DLG2: variants seen among roughly 807,000 people sequenced by gnomAD.
The protein encoded by DLG2 is discs large MAGUK scaffold protein 2.
DLG2 carries 45 observed loss-of-function variants against 132.5 expected under a neutral mutation model. The observed-to-expected ratio is 0.34, with a 90% CI of 0.27 to 0.44. The LOEUF (loss-of-function observed/expected upper bound fraction) is 0.44, where lower values mean the gene tolerates loss of function less well. DLG2 is among the 20% of genes least tolerant of loss of function. The pLI, the probability that DLG2 is intolerant of heterozygous loss-of-function variation, is 1.00. For missense variants in DLG2, 1,045 were observed against 1,196.9 expected, an observed-to-expected ratio of 0.87 and a Z score of 1.87; for synonymous variants, 424 against 419.6, an observed-to-expected ratio of 1.01 and a Z score of -0.13.
chr11:84,619,398 A>G (rs1442284170), intron 6 of DLG2, among the ~76,000 whole-genome samples: 1 of 151,878 alleles, frequency 6.6e-6, no homozygotes, highest in Non-Finnish European at 1.5e-5. Context: ...ATTGTTAATT[A>G]AAAGAAAATG....
chr11:84,947,363 G>A (rs948039030), intron 6 of DLG2, among the ~76,000 whole-genome samples: 4 of 152,110 alleles, frequency 2.6e-5, no homozygotes, highest in African/African-American at 9.7e-5. Context: ...GCAGTAACTG[G>A]CTCAAAATGG....
intron 6 of DLG2, among the ~76,000 whole-genome samples, chr11:84,802,598 C>T (rs753913405): frequency 6.6e-6 from 1 of 150,924 alleles, no homozygotes; most frequent in Non-Finnish European, 1.5e-5. Context: ...GCAGGAATCA[C>T]CCTTTGGCCA....
chr11:85,354,655 G>A (rs901723241), intron 3 of DLG2, among the ~76,000 whole-genome samples: 1 of 151,858 alleles, frequency 6.6e-6, no homozygotes, highest in African/African-American at 2.4e-5. Context: ...TACTTGGTAT[G>A]CTGACATTTT....
At position 84,970,079 on chromosome 11, in the gene DLG2, A is replaced by G. The variant is rs2053867648; in HGVS notation, c.357+141582T>C. On this transcript the variant is annotated intron_variant, in intron 6 of 27. Transcript: ENST00000376104. ...AATACCTAATGTAGATGATAGCTTGATGGGTGCAGCAAACCACCATGGCAC... is the reference window on the plus strand; with the variant it reads ...AATACCTAATGTAGATGATAGCTTGGTGGGTGCAGCAAACCACCATGGCAC... 2.0e-5 allele frequency among the ~76,000 whole-genome samples: 3 copies of G among 152,054 alleles called. 1 individual carries two copies. In the South Asian group the frequency reaches 6.2e-4, roughly 32 times the overall value.
chr11:84,666,834 C>A (rs1052872222), intron 6 of DLG2, among the ~76,000 whole-genome samples: 1 of 151,854 alleles, frequency 6.6e-6, no homozygotes, highest in African/African-American at 2.4e-5. Flanking sequence ...GACAGATAAC[C>A]AAGAAACACA....
chr11:83,984,094 G>A (rs537037762), intron 11 of DLG2, among the ~76,000 whole-genome samples: 5 of 152,002 alleles, frequency 3.3e-5, no homozygotes, highest in African/African-American at 9.6e-5. Flanking sequence ...CCATAAAAAC[G>A]GGTAAGTTCA....
chr11:83,893,306 A>G (rs2070542862), intron 15 of DLG2, among the ~76,000 whole-genome samples: 1 of 152,206 alleles, frequency 6.6e-6, no homozygotes, highest in Non-Finnish European at 1.5e-5. Context: ...AGACTTTTCC[A>G]TTGCAGTTAG....
chr11:84,110,860 T>C (rs979927537), intron 9 of DLG2, among the ~76,000 whole-genome samples: 9 of 152,158 alleles, frequency 5.9e-5, no homozygotes, highest in Admixed American at 3.9e-4. Flanking sequence ...AGCAAACACA[T>C]CTGCAAGCCA....
chr11:84,854,168 C>T (rs2082489768), intron 6 of DLG2, among the ~76,000 whole-genome samples: 2 of 150,974 alleles, frequency 1.3e-5, no homozygotes, highest in African/African-American at 4.8e-5. Context: ...CAACCATCCA[C>T]AAACAATGGA....
intron 6 of DLG2, among the ~76,000 whole-genome samples, chr11:84,817,992 CAAT>C (rs2077250501): frequency 6.6e-6 from 1 of 151,966 alleles, no homozygotes; most frequent in African/African-American, 2.4e-5. Context: ...GTGCTCCCCT[CAAT>C]CCTGAGTACT....
At chr11:84,564,142 A>G (rs532023050) in intron 6 of DLG2, among the ~76,000 whole-genome samples, 23 of 152,204 alleles carry the variant, frequency 1.5e-4, no homozygotes, top group Non-Finnish European at 2.2e-4. Flanking sequence ...GCCTATTGCA[A>G]GTGACCCTAA....
rs398016925 is a variant in DLG2 at position 83,819,469 on chromosome 11, C to CAAAAAA, written c.1722+14139_1722+14144dup. 8.3e-3 allele frequency among the ~76,000 whole-genome samples: 233 copies of CAAAAAA among 28,048 alleles called. 13 individuals carry two copies. Among genetic ancestry groups the CAAAAAA allele is most frequent in the Non-Finnish European group, 0.011 (179 of 16,138 alleles). The allele number at this position is 28,048 out of a possible 152,430, so 18.4% of individuals were successfully genotyped here. On this transcript the variant is annotated intron_variant, in intron 17 of 27. Transcript: ENST00000376104. The stretch of plus-strand genomic sequence containing the variant: ...TGGGAGACAGAGCAAGACTCTATCT[C>CAAAAAA]AAAAAAAAAAAAAAAAAAAAAAAGA...
intron 6 of DLG2, among the ~76,000 whole-genome samples, chr11:84,734,222 C>T (rs898588048): frequency 1.3e-5 from 2 of 152,062 alleles, no homozygotes; most frequent in African/African-American, 2.4e-5. Flanking sequence ...TATAAATTAC[C>T]TTGGGCAGTA....
intron 6 of DLG2, among the ~76,000 whole-genome samples, chr11:84,870,547 C>T (rs190238743): frequency 1.3e-5 from 2 of 152,148 alleles, no homozygotes; most frequent in Non-Finnish European, 2.9e-5. Context: ...AATATTATTC[C>T]TATTGATCAC....
chr11:85,476,618 T>A (rs937141294), intron 3 of DLG2, among the ~76,000 whole-genome samples: 2 of 152,112 alleles, frequency 1.3e-5, no homozygotes, highest in African/African-American at 2.4e-5. Flanking sequence ...TATTTTTAAT[T>A]TTTTACATTT....
chr11:85,039,665 A>C (rs1457621198), intron 6 of DLG2, among the ~76,000 whole-genome samples: 1 of 151,882 alleles, frequency 6.6e-6, no homozygotes, highest in African/African-American at 2.4e-5. Flanking sequence ...TTGAATTAGC[A>C]CGAGAAACAG....
chr11:84,339,286 T>C (rs1460619534), intron 7 of DLG2, among the ~76,000 whole-genome samples: 1 of 152,192 alleles, frequency 6.6e-6, no homozygotes, highest in Non-Finnish European at 1.5e-5. Flanking sequence ...TTATGAAGCA[T>C]TAATGTGCCA....
intron 6 of DLG2, among the ~76,000 whole-genome samples, chr11:84,880,931 G>C (rs1045023452): frequency 2.0e-5 from 3 of 152,008 alleles, no homozygotes; most frequent in African/African-American, 7.2e-5. Context: ...TATTATGCAA[G>C]GCATGTTTCT....
At chr11:85,098,163 C>T (rs1271525620) in intron 6 of DLG2, among the ~76,000 whole-genome samples, 1 of 152,190 alleles carries the variant, frequency 6.6e-6, no homozygotes, top group Non-Finnish European at 1.5e-5. Context: ...TAAGACATTT[C>T]CTAAATTAAG....
Sources: gnomAD v4.1 joint callset for allele counts (sites outside exome capture counted in the v4.1 genomes callset) on GRCh38, gnomAD v4.1.1 for gene constraint, MANE v1.5 for transcripts, NCBI Gene and HGNC (gene_info 2026-07-23, HGNC 2026-07-21) for gene names.